SMOX: variants seen among roughly 807,000 people sequenced by gnomAD.
SMOX encodes flavin containing amine oxidase.
SMOX carries 22 observed loss-of-function variants against 51.0 expected under a neutral mutation model. The observed-to-expected ratio is 0.43, with a 90% CI of 0.31 to 0.62. The LOEUF is 0.62. Ranked by LOEUF, SMOX falls within the 20% of genes least tolerant of loss-of-function variation. SMOX has a pLI of 0.10. For synonymous variants in SMOX, 282 were observed against 307.8 expected (o/e 0.92, Z 0.88); for missense variants, 566 against 777.7 (o/e 0.73, Z 3.24).
chr20:4,181,434 G>C lies in SMOX; in HGVS notation c.436-369G>C, dbSNP rs1256857475. Among the ~76,000 whole-genome samples the C allele has an allele frequency of 6.6e-6, 1 of 152,236 alleles. No individual in the cohort carries two copies. Among genetic ancestry groups the C allele is most frequent in the African/African-American group, 2.4e-5 (1 of 41,456 alleles). On this transcript the variant is annotated intron_variant, in intron 3 of 6. Coordinates refer to ENST00000305958, the MANE Select transcript of SMOX (RefSeq NM_175839.3). The surrounding 1 kb of genome is among the most constrained non-coding windows in gnomAD (Gnocchi z 5.6). ...CGTATCGTTCTTGGAACAGGTAAAT[G>C]TGTGCAAATGCCCATCCTCCAGTGG... is the stretch of plus-strand genomic sequence containing the variant.
rs114724058 is a variant in SMOX, at chr20:4,163,543, C to T, written c.-26-11487C>T. Among the ~76,000 whole-genome samples, 1,228 of 152,292 alleles carry T rather than the reference C, an allele frequency of 8.1e-3. 19 individuals carry two copies. The highest frequency in any genetic ancestry group is 0.028 in the African/African-American group (1,163 of 41,560). On this transcript the variant is annotated intron_variant, in intron 1 of 6. Coordinates refer to ENST00000305958, the MANE Select transcript of SMOX (RefSeq NM_175839.3). ...TAACCAATGACTCCAAAACTGGTAG[C>T]TTAAAATGGCAGTCAGCATTTATTA...
intron 3 of SMOX, among the ~76,000 whole-genome samples, chr20:4,180,849 A>G (rs944789290): frequency 2.0e-5 from 3 of 152,096 alleles, no homozygotes; most frequent in South Asian, 2.1e-4. Flanking sequence ...GTTCTTTCCT[A>G]TCACGGCAGC....
rs760395151 is a variant in SMOX, at chr20:4,183,653, C to T, written c.1529C>T (p.Ala510Val). 27 of 1,563,742 alleles carry T rather than the reference C, an allele frequency of 1.7e-5. No homozygotes were observed. The highest frequency in any genetic ancestry group is 1.7e-4 in the Middle Eastern group (1 of 5,766). ...PLPYTESSKTAPMQVLFSGEA... is the reference protein window; with the variant it reads ...PLPYTESSKTVPMQVLFSGEA... Reference sequence around the variant, plus strand: ...CCGTACACAGAGAGCTCAAAGACAGCGGTAAGCGGGGCGTTTGGGGTGAGG... The same window carrying T: ...CCGTACACAGAGAGCTCAAAGACAGTGGTAAGCGGGGCGTTTGGGGTGAGG... Residue 510 changes from alanine (A) to valine (V), a missense_variant and splice_region_variant, in exon 6 of 7, where the codon GCG becomes GTG. Transcript: ENST00000305958. This position sits in a 1 kb window ranked among gnomAD's most constrained non-coding sequence, Gnocchi z 4.3.
chr20:4,182,945 G>T lies in SMOX; in HGVS notation c.1369+97G>T, dbSNP rs1453898765. On this transcript the variant is annotated intron_variant, in intron 5 of 6. Coordinates refer to ENST00000305958, the MANE Select transcript of SMOX (RefSeq NM_175839.3). The surrounding 1 kb of genome is among the most constrained non-coding windows in gnomAD (Gnocchi z 8.4). The stretch of plus-strand genomic sequence containing the variant: ...ATGGCAGCTCTCTCCTCCCCAGACC[G>T]TGAAGCTCGGATGCTGTGCCCCACG... 7 of 1,456,392 alleles carry T rather than the reference G, an allele frequency of 4.8e-6. No homozygotes were observed. The East Asian group carries it at 1.2e-4, about 26-fold the overall frequency. 90.2% of individuals were successfully genotyped at this position (1,456,392 alleles called of 1,614,324 possible).
Position 4,172,192 on chromosome 20 carries a change from C to CTG in SMOX, c.-26-2831_-26-2830dup, listed in dbSNP as rs1978441262. Among the ~76,000 whole-genome samples, 1 of 152,262 alleles carries CTG rather than the reference C, an allele frequency of 6.6e-6. No individual in the cohort carries two copies. Among genetic ancestry groups the CTG allele is most frequent in the Non-Finnish European group, 1.5e-5 (1 of 68,038 alleles). On this transcript the variant is annotated intron_variant, in intron 1 of 6. Coordinates refer to ENST00000305958, the MANE Select transcript of SMOX (RefSeq NM_175839.3). This position sits in a 1 kb window ranked among gnomAD's most constrained non-coding sequence, Gnocchi z 7.7. ...ATCCCTTTCCGTAGTGGATAGGAGA[C>CTG]TGTGTGTGGGGTGGCCTGGGGCAGA...
At chr20:4,159,997 A>G (rs561297127) in intron 1 of SMOX, among the ~76,000 whole-genome samples, 38 of 152,362 alleles carry the variant, frequency 2.5e-4, no homozygotes, top group African/African-American at 8.7e-4. Flanking sequence ...AGGACCGTCT[A>G]GAGGCAGTTA....
chr20:4,178,695 T>C (rs1600820971), intron 3 of SMOX, among the ~76,000 whole-genome samples: 1 of 151,504 alleles, frequency 6.6e-6, no homozygotes, highest in Non-Finnish European at 1.5e-5. Context: ...TTTCTTTTTT[T>C]TTTTTGAGAC....
chr20:4,163,756 G>A (rs145236931), intron 1 of SMOX, among the ~76,000 whole-genome samples: 1 of 152,172 alleles, frequency 6.6e-6, no homozygotes, highest in African/African-American at 2.4e-5. Flanking sequence ...TGATGGGAGG[G>A]CTCAGTTCCG....
At chr20:4,150,147 C>T (rs897595250) in intron 1 of SMOX, among the ~76,000 whole-genome samples, 2 of 152,192 alleles carry the variant, frequency 1.3e-5, no homozygotes, top group African/African-American at 4.8e-5. Context: ...GCCTTGGCAC[C>T]CTGTCTCTCC....
chr20:4,159,201 C>A (rs925810530), intron 1 of SMOX, among the ~76,000 whole-genome samples: 1 of 151,912 alleles, frequency 6.6e-6, no homozygotes, highest in African/African-American at 2.4e-5. Context: ...AACCTCTGCC[C>A]CCTGGGTTCA....
At chr20:4,185,227 G>GCT (rs1979642662) in intron 6 of SMOX, among the ~76,000 whole-genome samples, 2 of 152,224 alleles carry the variant, frequency 1.3e-5, no homozygotes, top group Non-Finnish European at 2.9e-5. Context: ...AGTGGTCCCA[G>GCT]CTACTTGGGA....
chr20:4,187,117 G>A lies in SMOX; in HGVS notation c.1531-153G>A, dbSNP rs1416062316. Among the ~76,000 whole-genome samples the A allele has an allele frequency of 6.6e-6, 1 of 152,206 alleles. No individual in the cohort carries two copies. Among genetic ancestry groups the A allele is most frequent in the Admixed American group, 6.5e-5 (1 of 15,282 alleles). On this transcript the variant is annotated intron_variant, in intron 6 of 6. Transcript: ENST00000305958. This position sits in a 1 kb window ranked among gnomAD's most constrained non-coding sequence, Gnocchi z 4.8. ...AGGGGAAAGTGGCCAGATAGGATGG[G>A]CAGCTCTTCATCCTGTGGAAGCAGC... is the stretch of plus-strand genomic sequence containing the variant.
In SMOX at chr20:4,183,206, G is replaced by A. The variant is rs1048374017; in HGVS notation, c.1370-288G>A. On this transcript the variant is annotated intron_variant, in intron 5 of 6. Coordinates refer to ENST00000305958, the MANE Select transcript of SMOX (RefSeq NM_175839.3). This position sits in a 1 kb window ranked among gnomAD's most constrained non-coding sequence, Gnocchi z 4.3. ...ACCCACTATTCCAGGAGGACCTCACGAGAACCCCCGATATTAGGCGGGGAA... is the reference window on the plus strand; with the variant it reads ...ACCCACTATTCCAGGAGGACCTCACAAGAACCCCCGATATTAGGCGGGGAA... 2.3e-5 allele frequency: 13 copies of A among 568,502 alleles called. No homozygotes were observed. The Admixed American group carries it at 2.8e-4, about 12-fold the overall frequency. 35.2% of individuals were successfully genotyped at this position (568,502 alleles called of 1,614,324 possible). A position where few individuals can be genotyped will look rare whatever the true frequency, so the allele number is the denominator to read the frequency against.
chr20:4,175,441 A>C (rs1481766116), intron 2 of SMOX, among the ~76,000 whole-genome samples, 178 bp downstream of exon 2: 1 of 152,176 alleles, frequency 6.6e-6, no homozygotes, highest in African/African-American at 2.4e-5. Context: ...TGAGGCGGGC[A>C]TGGTAGGGCC....
chr20:4,184,410 C>T (rs1334077933), intron 6 of SMOX, among the ~76,000 whole-genome samples: 1 of 151,542 alleles, frequency 6.6e-6, no homozygotes, highest in Non-Finnish European at 1.5e-5. Flanking sequence ...TCCTATTGGA[C>T]AGCACTGATT....
At chr20:4,185,748 C>T (rs1979679308) in intron 6 of SMOX, among the ~76,000 whole-genome samples, 1 of 107,604 alleles carries the variant, frequency 9.3e-6, no homozygotes, top group Non-Finnish European at 1.7e-5. Flanking sequence ...ACAAAATTAG[C>T]CAGGCATGGT....
At chr20:4,169,340 G>A (rs530944659) in intron 1 of SMOX, among the ~76,000 whole-genome samples, 2 of 152,142 alleles carry the variant, frequency 1.3e-5, no homozygotes, top group Non-Finnish European at 2.9e-5. Context: ...CTTGTGAGGG[G>A]CGTCTTGGAA....
In SMOX at chr20:4,182,793, G is replaced by C. The variant is rs757052740; in HGVS notation, c.1314G>C (p.Lys438Asn). The C allele has an allele frequency of 3.5e-6, 5 of 1,441,798 alleles. No individual in the cohort carries two copies. The highest frequency in any genetic ancestry group is 2.0e-5 in the Admixed American group (1 of 49,438). The allele number at this position is 1,441,798 out of a possible 1,614,324, so 89.3% of individuals were successfully genotyped here. A position where few individuals can be genotyped will look rare whatever the true frequency, so the allele number is the denominator to read the frequency against. ...ICGEEALVME[K>N]CDDEAVAEIC... ...GGGAGGAGGCCCTCGTCATGGAGAA[G>C]TGTGATGACGAGGCAGTGGCCGAGA... is the stretch of plus-strand genomic sequence containing the variant. The change falls in exon 5 of 7, where the codon AAG (lysine) becomes AAC (asparagine). Residue 438 changes from lysine to asparagine, a missense_variant. Lys to Asn is a moderately conservative substitution (Grantham distance 94, BLOSUM62 0). Around this residue, in one of 3 missense-constraint regions of SMOX, gnomAD observed 347 missense variants for 481.8 expected, o/e 0.72. Coordinates refer to ENST00000305958, the MANE Select transcript of SMOX (RefSeq NM_175839.3). This position sits in a 1 kb window ranked among gnomAD's most constrained non-coding sequence, Gnocchi z 8.4.
chr20:4,152,550 G>T (rs1009341142), intron 1 of SMOX, among the ~76,000 whole-genome samples: 2 of 152,186 alleles, frequency 1.3e-5, no homozygotes, highest in East Asian at 1.9e-4. Flanking sequence ...CCGCGACGTG[G>T]GTGCTAGAAC....
Sources: allele counts gnomAD v4.1 joint callset (sites outside exome capture counted in the v4.1 genomes callset), GRCh38; gene constraint gnomAD v4.1.1; regional missense constraint gnomAD v4.1.1; non-coding constraint Gnocchi (gnomAD v3.1); transcripts MANE v1.5; gene names NCBI Gene and HGNC (gene_info 2026-07-23, HGNC 2026-07-21).